The following TESK2 variants were observed in gnomAD, a reference collection of about 807,000 sequenced individuals.
TESK2 encodes dual specificity testis-specific protein kinase 2.
Under a neutral mutation model 57.1 loss-of-function variants are expected in TESK2, and 39 were observed. That is an observed-to-expected ratio of 0.68 (90% confidence interval 0.53 to 0.89). The LOEUF (loss-of-function observed/expected upper bound fraction) is 0.89, where lower values mean the gene tolerates loss of function less well. Ranked by LOEUF, TESK2 falls within the 40% of genes least tolerant of loss-of-function variation. The pLI, the probability that TESK2 is intolerant of heterozygous loss-of-function variation, is 0.00. For missense variants in TESK2, 646 were observed against 732.1 expected (o/e 0.88, Z 1.36); for synonymous variants, 249 against 267.9 (o/e 0.93, Z 0.69).
At chr1:45,452,417 CA>C (rs1337744593) in intron 2 of TESK2, among the ~76,000 whole-genome samples, 1 of 151,590 alleles carries the variant, frequency 6.6e-6, no homozygotes, top group African/African-American at 2.4e-5. Flanking sequence ...TAAAGAACTA[CA>C]AAAAAAATCA....
At chr1:45,458,056 T>G (rs941071291) in intron 1 of TESK2, among the ~76,000 whole-genome samples, 185 bp from the exon 2 acceptor site, 1 of 152,226 alleles carries the variant, frequency 6.6e-6, no homozygotes, top group African/African-American at 2.4e-5. Flanking sequence ...TAGTCAGTCT[T>G]TACCATGAGT....
chr1:45,421,402 A>G (rs1390846827), intron 3 of TESK2, among the ~76,000 whole-genome samples: 1 of 152,256 alleles, frequency 6.6e-6, no homozygotes, highest in Non-Finnish European at 1.5e-5. Flanking sequence ...GGAAAAGTAA[A>G]TAACCACATA....
chr1:45,403,690 C>A (rs918868155), intron 3 of TESK2, among the ~76,000 whole-genome samples: 2 of 151,908 alleles, frequency 1.3e-5, no homozygotes, highest in African/African-American at 4.8e-5. Flanking sequence ...ATACAAAGAT[C>A]TAAAAAGTTA....
intron 3 of TESK2, chr1:45,413,856 T>C: frequency 4.4e-6 from 2 of 456,176 alleles, no homozygotes; most frequent in Non-Finnish European, 8.8e-6. Context: ...AAAATTCTGG[T>C]TCATACTTCT....
chr1:45,426,966 G>A (rs1173831843), intron 2 of TESK2, among the ~76,000 whole-genome samples: 1 of 152,098 alleles, frequency 6.6e-6, no homozygotes, highest in Non-Finnish European at 1.5e-5. Flanking sequence ...TTGCAGGCTG[G>A]GCACGGTGGC....
intron 3 of TESK2, among the ~76,000 whole-genome samples, chr1:45,405,547 T>C (rs1191184217): frequency 6.6e-6 from 1 of 151,882 alleles, no homozygotes; most frequent in East Asian, 1.9e-4. Context: ...ATCCCAGCAC[T>C]TTGGGAGGCC....
At position 45,457,882 on chromosome 1, in the gene TESK2, C is replaced by CA. The variant is rs915357030; in HGVS notation, c.-86-12dup. On this transcript the variant is annotated splice_polypyrimidine_tract_variant and intron_variant, in intron 1 of 10. Coordinates refer to ENST00000372086, the MANE Select transcript of TESK2 (RefSeq NM_007170.3). ...TCTTCTGGTTTGACACTAAAGAGAT[C>CA]AAAAAAATTTCCACTGAAATCTTTA... is the stretch of plus-strand genomic sequence containing the variant. 5 of 1,007,204 alleles carry CA rather than the reference C, an allele frequency of 5.0e-6. No individual in the cohort carries two copies. Among genetic ancestry groups the CA allele is most frequent in the Middle Eastern group, 2.2e-4 (1 of 4,576 alleles). 62.4% of individuals were successfully genotyped at this position (1,007,204 alleles called of 1,614,324 possible). A position where few individuals can be genotyped will look rare whatever the true frequency, so the allele number is the denominator to read the frequency against.
At chr1:45,358,172 G>A (rs1477023727) in intron 4 of TESK2, among the ~76,000 whole-genome samples, 3 of 152,012 alleles carry the variant, frequency 2.0e-5, no homozygotes, top group African/African-American at 7.2e-5. Context: ...AATTAGCCGG[G>A]CGTGGTTGCA....
chr1:45,417,559 T>G (rs1418591310), intron 3 of TESK2, among the ~76,000 whole-genome samples: 1 of 152,136 alleles, frequency 6.6e-6, no homozygotes, highest in Admixed American at 6.6e-5. Flanking sequence ...TCCAAAAAAT[T>G]GTCTACCCAA....
intron 2 of TESK2, among the ~76,000 whole-genome samples, chr1:45,456,245 G>A (rs777252407): frequency 3.3e-5 from 5 of 151,882 alleles, no homozygotes; most frequent in South Asian, 2.1e-4. Context: ...TAGGTTGGGC[G>A]CGGTGGCTCA....
At chr1:45,413,806 A>G in intron 3 of TESK2, 1 of 456,144 alleles carries the variant, frequency 2.2e-6, no homozygotes, top group Non-Finnish European at 4.4e-6. Flanking sequence ...GTTCCAAGAG[A>G]TGGATTCTTC....
At chr1:45,375,423 C>CTTTTTTT (rs34730448) in intron 4 of TESK2, among the ~76,000 whole-genome samples, 1 of 135,582 alleles carries the variant, frequency 7.4e-6, no homozygotes, top group African/African-American at 2.8e-5. Context: ...TTCCTTCACC[C>CTTTTTTT]TTTTTTTTTT....
intron 4 of TESK2, among the ~76,000 whole-genome samples, chr1:45,376,805 G>A (rs1648449378): frequency 6.6e-6 from 1 of 152,164 alleles, no homozygotes. Context: ...AACTAAGGGA[G>A]GGATTCGTAT....
chr1:45,414,999 C>T, intron 3 of TESK2: 1 of 797,290 alleles, frequency 1.3e-6, no homozygotes, highest in Non-Finnish European at 2.1e-6. Flanking sequence ...GCTGCCACCG[C>T]CAGGAGCCCC....
chr1:45,386,345 CAAAAAAAAAAAA>C (rs11314981), intron 3 of TESK2, among the ~76,000 whole-genome samples: 1 of 45,980 alleles, frequency 2.2e-5, no homozygotes, highest in Admixed American at 2.7e-4. Context: ...GACTTTGACT[CAAAAAAAAAAAA>C]AAAAAAAAGA....
intron 1 of TESK2, among the ~76,000 whole-genome samples, chr1:45,487,560 T>G (rs1384149157): frequency 6.6e-6 from 1 of 152,208 alleles, no homozygotes; most frequent in African/African-American, 2.4e-5. Flanking sequence ...TACCTTGAAA[T>G]AATGAACTCT....
chr1:45,350,029 C>T (rs1037004469), intron 5 of TESK2, among the ~76,000 whole-genome samples: 2 of 152,290 alleles, frequency 1.3e-5, no homozygotes, highest in Admixed American at 1.3e-4. Context: ...GTAATCCCAG[C>T]TACTCAGGAG....
rs1032421456 is a variant in TESK2 at position 45,487,936 on chromosome 1, CT to C, written c.-87+2915del. ...CTTTTAGCTCCTGAGTTTTTTTTTG[CT>C]TTTTTTTTTTTCTTTCCCCCAGGCT... On this transcript the variant is annotated intron_variant, in intron 1 of 10. Transcript: ENST00000372086. Among the ~76,000 whole-genome samples, 499 of 143,400 alleles carry C rather than the reference CT, an allele frequency of 3.5e-3. 2 individuals carry two copies. The highest frequency in any genetic ancestry group is 8.3e-3 in the African/African-American group (326 of 39,412). The allele number at this position is 143,400 out of a possible 152,430, so 94.1% of individuals were successfully genotyped here.
At chr1:45,384,120 C>A (rs2492840) in intron 4 of TESK2, among the ~76,000 whole-genome samples, 55,062 of 151,804 alleles carry the variant, frequency 0.36, 11,865 homozygotes, top group African/African-American at 0.59. Context: ...TTTCATCCTC[C>A]CAACATCCTT....
Sources: gnomAD v4.1 joint callset for allele counts (sites outside exome capture counted in the v4.1 genomes callset) on GRCh38, gnomAD v4.1.1 for gene constraint, MANE v1.5 for transcripts, NCBI Gene and HGNC (gene_info 2026-07-23, HGNC 2026-07-21) for gene names.